The following PCDH15 variants were observed in gnomAD, a reference collection of about 807,000 sequenced individuals.
The protein encoded by PCDH15 is protocadherin-15.
A neutral mutation model predicts 178.5 loss-of-function variants in PCDH15; 129 were observed. The ratio of observed to expected loss-of-function variants is 0.72; its 90% confidence interval spans 0.63 to 0.84. PCDH15 has a LOEUF of 0.84. PCDH15 is among the 40% of genes least tolerant of loss of function. The pLI, the probability that PCDH15 is intolerant of heterozygous loss-of-function variation, is 0.00. For missense variants in PCDH15, 2,230 were observed against 2,099.9 expected, an observed-to-expected ratio of 1.06 and a Z score of -1.21; for synonymous variants, 800 against 732.0, an observed-to-expected ratio of 1.09 and a Z score of -1.50.
intron 3 of PCDH15, among the ~76,000 whole-genome samples, chr10:54,385,821 G>A (rs1204182398): frequency 3.3e-5 from 5 of 151,966 alleles, no homozygotes; most frequent in Non-Finnish European, 5.9e-5. Context: ...TTATTCATTT[G>A]GTCTGTAAGA....
At chr10:54,527,760 C>A (rs2132664080) in intron 3 of PCDH15, 52 bp downstream of exon 3, 3 of 1,459,726 alleles carry the variant, frequency 2.1e-6, no homozygotes, top group South Asian at 1.2e-5. Context: ...GAATTAAAAT[C>A]TGAAGAAAAC....
chr10:54,563,899 A>C lies in PCDH15; in HGVS notation c.92-36022T>G, dbSNP rs369471060. On this transcript the variant is annotated intron_variant, in intron 2 of 37. Coordinates refer to ENST00000644397, the MANE Select transcript of PCDH15 (RefSeq NM_001384140.1). ...CTGGTCAGTGTTGAAGAAAAAAACAAACATTCGACTTCGACTGGTTGCCTC... is the reference window on the plus strand; with the variant it reads ...CTGGTCAGTGTTGAAGAAAAAAACACACATTCGACTTCGACTGGTTGCCTC... 8.7e-4 allele frequency among the ~76,000 whole-genome samples: 133 copies of C among 152,318 alleles called. 3 individuals are homozygous for C. In the South Asian group the frequency reaches 0.026, roughly 30 times the overall value.
At chr10:55,518,178 C>T (rs1589102923) in intron 2 of PCDH15, among the ~76,000 whole-genome samples, 1 of 152,128 alleles carries the variant, frequency 6.6e-6, no homozygotes, top group South Asian at 2.1e-4. Context: ...CCTAACCCTA[C>T]TGAGTCCCTC....
intron 2 of PCDH15, among the ~76,000 whole-genome samples, chr10:54,980,476 C>T (rs563768870): frequency 4.6e-5 from 7 of 152,006 alleles, no homozygotes; most frequent in Non-Finnish European, 5.9e-5. Flanking sequence ...CTGTTTTCTA[C>T]ATTTTCCTCT....
intron 2 of PCDH15, among the ~76,000 whole-genome samples, chr10:54,982,070 T>A (rs537377558): frequency 2.7e-4 from 41 of 152,214 alleles, no homozygotes; most frequent in African/African-American, 9.1e-4. Flanking sequence ...GCACCTGGCC[T>A]GCCTAGAACG....
At chr10:55,459,232 CAA>C (rs34129735) in intron 2 of PCDH15, among the ~76,000 whole-genome samples, 7 of 27,990 alleles carry the variant, frequency 2.5e-4, no homozygotes, top group Non-Finnish European at 1.3e-4. Context: ...TCCTTGGAGG[CAA>C]AAAAAAAAAA....
At chr10:54,144,726 C>G (rs185451674) in intron 14 of PCDH15, among the ~76,000 whole-genome samples, 9 of 152,076 alleles carry the variant, frequency 5.9e-5, no homozygotes, top group Non-Finnish European at 1.3e-4. Flanking sequence ...TTGGTGTTTT[C>G]GTAATAATCT....
At chr10:53,836,087 A>T (rs1216079903) in intron 29 of PCDH15, among the ~76,000 whole-genome samples, 1 of 152,104 alleles carries the variant, frequency 6.6e-6, no homozygotes, top group African/African-American at 2.4e-5. Flanking sequence ...TCTGGAAAAG[A>T]GGTATAAGCA....
intron 37 of PCDH15, chr10:53,808,705 T>G: frequency 6.2e-7 from 1 of 1,612,896 alleles, no homozygotes; most frequent in South Asian, 1.1e-5. Flanking sequence ...AAGTGCTGTG[T>G]TGTAACCTTC....
intron 2 of PCDH15, among the ~76,000 whole-genome samples, chr10:55,418,520 C>T (rs1308090258): frequency 2.0e-5 from 3 of 151,734 alleles, no homozygotes; most frequent in South Asian, 2.1e-4. Context: ...AAGAAAACAG[C>T]GAGTGTAAGA....
At chr10:54,150,720 A>C in intron 14 of PCDH15, among the ~76,000 whole-genome samples, 1 of 151,982 alleles carries the variant, frequency 6.6e-6, no homozygotes, top group East Asian at 1.9e-4. Flanking sequence ...TTTATAATAC[A>C]TTCATGTCTG....
chr10:55,323,827 T>C (rs1350263185), upstream of PCDH15, among the ~76,000 whole-genome samples: 6 of 152,088 alleles, frequency 3.9e-5, no homozygotes, highest in East Asian at 1.9e-4. Flanking sequence ...AGAGGCATGA[T>C]TGGTCTTGAA....
intron 1 of PCDH15, among the ~76,000 whole-genome samples, chr10:54,690,604 T>C (rs908301948): frequency 7.9e-5 from 12 of 152,092 alleles, no homozygotes; most frequent in African/African-American, 2.4e-4. Flanking sequence ...TGAGCCACCA[T>C]GGCCAGCCAC....
chr10:54,129,526 T>A (rs1165840551), intron 15 of PCDH15, among the ~76,000 whole-genome samples: 1 of 152,174 alleles, frequency 6.6e-6, no homozygotes, highest in Admixed American at 6.6e-5. Flanking sequence ...AAATATATAT[T>A]ATTTGTTTTA....
chr10:55,167,746 G>T (rs1004101213), intron 1 of PCDH15, among the ~76,000 whole-genome samples: 11 of 152,060 alleles, frequency 7.2e-5, no homozygotes, highest in African/African-American at 2.7e-4. Context: ...AAAATTGACA[G>T]ATGCATTTAA....
intron 2 of PCDH15, among the ~76,000 whole-genome samples, chr10:55,100,694 T>C (rs1324415752): frequency 6.6e-6 from 1 of 152,036 alleles, no homozygotes; most frequent in African/African-American, 2.4e-5. Context: ...AAATCATGCA[T>C]CCCCACTACT....
chr10:55,488,305 A>G (rs1279434179), intron 2 of PCDH15, among the ~76,000 whole-genome samples: 1 of 151,630 alleles, frequency 6.6e-6, no homozygotes, highest in African/African-American at 2.4e-5. Context: ...TTTTCTCAAT[A>G]AACAACAATT....
At chr10:54,468,855 G>C (rs1426860412) in intron 3 of PCDH15, among the ~76,000 whole-genome samples, 1 of 152,024 alleles carries the variant, frequency 6.6e-6, no homozygotes, top group Non-Finnish European at 1.5e-5. Flanking sequence ...TATATTTACA[G>C]TTGTTATATT....
At chr10:54,493,016 T>A (rs1490681223) in intron 3 of PCDH15, among the ~76,000 whole-genome samples, 7 of 152,062 alleles carry the variant, frequency 4.6e-5, no homozygotes, top group Admixed American at 4.6e-4. Flanking sequence ...AGAGAACTCC[T>A]CTTTATAAAA....
Sources: allele counts gnomAD v4.1 joint callset (sites outside exome capture counted in the v4.1 genomes callset), GRCh38; gene constraint gnomAD v4.1.1; transcripts MANE v1.5; gene names NCBI Gene and HGNC (gene_info 2026-07-23, HGNC 2026-07-21).